Variants in MIER2 observed in about 807,000 individuals in gnomAD.
MIER2 encodes mesoderm induction early response protein 2.
Under a neutral mutation model 67.6 loss-of-function variants are expected in MIER2, and 30 were observed. The observed-to-expected ratio is 0.44, with a 90% CI of 0.33 to 0.60. The LOEUF (loss-of-function observed/expected upper bound fraction) is 0.60. Ranked by LOEUF, MIER2 falls within the 20% of genes least tolerant of loss-of-function variation. The probability of loss-of-function intolerance (pLI) is 0.02; values close to 1 mark genes in which losing one functional copy is unlikely to be tolerated. For synonymous variants in MIER2, 372 were observed against 312.6 expected, an observed-to-expected ratio of 1.19 and a Z score of -2.00; for missense variants, 702 against 745.1, an observed-to-expected ratio of 0.94 and a Z score of 0.67.
chr19:327,761 GC>G (rs1480982274), intron 4 of MIER2, 102 bp downstream of exon 4: 6 of 1,512,890 alleles, frequency 4.0e-6, no homozygotes, highest in Non-Finnish European at 5.3e-6. Context: ...TATTCTGGGG[GC>G]CTTTGTGCCT....
Position 327,965 on chromosome 19 carries a change from G to C in MIER2, c.268C>G (p.Leu90Val), listed in dbSNP as rs1165848574. 2 of 1,613,090 alleles carry C rather than the reference G, an allele frequency of 1.2e-6. No individual in the cohort carries two copies. Among genetic ancestry groups the C allele is most frequent in the Non-Finnish European group, 1.7e-6 (2 of 1,179,590 alleles). The change falls in exon 4 of 14, where the codon CTG becomes GTG. Residue 90 changes from leucine (L) to valine (V), a missense_variant. Physicochemically the swap from Leu to Val is conservative, Grantham distance 32. This residue lies in a region of MIER2 where 320 missense variants were observed against 292.6 expected (regional missense o/e 1.09). Transcript: ENST00000264819. ...GCCTCGTAGCCATAGAGCGCAAGCA[G>C]CTCATCAAAGGGCATGTCGTTGCTC... ...SQSNDMPFDE[L>V]LALYGYEASD...
At chr19:327,019 C>T in intron 5 of MIER2, 114 bp downstream of exon 5, 2 of 1,403,832 alleles carry the variant, frequency 1.4e-6, no homozygotes, top group Admixed American at 5.1e-5. Context: ...CAGGCAGACG[C>T]CCTCATCTGT....
At chr19:336,230 T>A in intron 1 of MIER2, 57 bp from the exon 2 acceptor site, 1 of 1,434,114 alleles carries the variant, frequency 7.0e-7, no homozygotes, top group South Asian at 1.2e-5. Flanking sequence ...CTGCTGGACA[T>A]CACAGTGTGG....
Position 307,441 on chromosome 19 carries a change from G to C in MIER2, c.1294C>G (p.Gln432Glu), listed in dbSNP as rs1210212356. The C allele has an allele frequency of 6.3e-7, 1 of 1,591,368 alleles. No individual in the cohort carries two copies. Among genetic ancestry groups the C allele is most frequent in the Admixed American group, 1.7e-5 (1 of 58,244 alleles). Residue 432 changes from glutamine (Q) to glutamate (E), a missense_variant, in exon 13 of 14, where the codon CAG becomes GAG. Around this residue, in one of 3 missense-constraint regions of MIER2, gnomAD observed 254 missense variants for 262.8 expected, o/e 0.97. Transcript: ENST00000264819. ...PSSEPGPCSF[Q>E]QLDESPAVPL... is the part of the protein sequence containing the mutation. ...ACAGCGGGGGACTCATCCAGCTGCT[G>C]GAAGGAACACGGCCCTGGCTCCGAG...
rs770576807 is a variant in MIER2 at position 307,157 on chromosome 19, C to T, written c.1578G>A (p.Thr526=). The change falls in exon 13 of 14, where the codon ACG becomes ACA. Residue 526 remains threonine, a synonymous_variant. Coordinates refer to ENST00000264819, the MANE Select transcript of MIER2 (RefSeq NM_017550.3). The stretch of plus-strand genomic sequence containing the variant: ...CCGAGTGTAGCCCGGGGGCCGGGCA[C>T]GTGGGGTGGGCGGCCAGGAAGGGGT... The part of the protein sequence containing the change: ...DVNPFLAAHP[T]CPAPGLHSEP... 2.5e-6 allele frequency: 4 copies of T among 1,588,746 alleles called. No homozygotes were observed. The highest frequency in any genetic ancestry group is 1.3e-5 in the African/African-American group (1 of 74,708).
At chr19:317,681 G>A (rs1185105370) in intron 7 of MIER2, among the ~76,000 whole-genome samples, 6 of 143,736 alleles carry the variant, frequency 4.2e-5, no homozygotes, top group Non-Finnish European at 9.0e-5. Context: ...CGTGAAGTAA[G>A]ATCGCATCAC....
chr19:317,408 TC>T, intron 7 of MIER2, among the ~76,000 whole-genome samples: 1 of 146,726 alleles, frequency 6.8e-6, no homozygotes, highest in Non-Finnish European at 1.5e-5. Context: ...GTGCCTGTAG[TC>T]CCAGCTACTC....
Position 313,618 on chromosome 19 carries a change from G to A in MIER2, c.681C>T (p.Leu227=), listed in dbSNP as rs1463880444. 6.2e-7 allele frequency: 1 copy of A among 1,612,688 alleles called. No homozygotes were observed. The highest frequency in any genetic ancestry group is 8.5e-7 in the Non-Finnish European group (1 of 1,179,922). The change falls in exon 8 of 14, where the codon CTC becomes CTT. Residue 227 remains leucine (L), a synonymous_variant. Coordinates refer to ENST00000264819, the MANE Select transcript of MIER2 (RefSeq NM_017550.3). ...TCTCAGGGAGGACGCTGGGGTCCCAGAGCAGCTGGTCTTCGTTCTCGTAGA... is the reference window on the plus strand; with the variant it reads ...TCTCAGGGAGGACGCTGGGGTCCCAAAGCAGCTGGTCTTCGTTCTCGTAGA... ...EKIYENEDQL[L]WDPSVLPERE... is the part of the protein sequence containing the mutation.
intron 10 of MIER2, among the ~76,000 whole-genome samples, chr19:311,286 G>A (rs1348625205): frequency 1.3e-5 from 2 of 152,266 alleles, no homozygotes; most frequent in African/African-American, 4.8e-5. Context: ...TGGCTTGGAA[G>A]TTACCACTCA....
chr19:307,559 G>C, intron 12 of MIER2, 23 bp from the exon 13 acceptor site: 1 of 1,489,114 alleles, frequency 6.7e-7, no homozygotes, highest in Non-Finnish European at 8.9e-7. Flanking sequence ...ACGCAACAGA[G>C]GGTGGGGCCT....
chr19:314,862 G>A (rs1347164108), intron 7 of MIER2, among the ~76,000 whole-genome samples: 1 of 152,110 alleles, frequency 6.6e-6, no homozygotes, highest in Non-Finnish European at 1.5e-5. Context: ...GGCTGAGGTG[G>A]GAGGATCGGT....
intron 3 of MIER2, among the ~76,000 whole-genome samples, chr19:329,430 G>A (rs908528772): frequency 7.2e-5 from 11 of 152,164 alleles, no homozygotes; most frequent in African/African-American, 1.7e-4. Context: ...GCACTCAGCC[G>A]TGACTTCCAT....
At chr19:344,682 G>T in intron 1 of MIER2, 92 bp downstream of exon 1, 1 of 870,556 alleles carries the variant, frequency 1.1e-6, no homozygotes, top group Non-Finnish European at 1.4e-6. Context: ...GGGGCTCTCC[G>T]TCCCTGGGGC....
In MIER2 at chr19:327,229, C is replaced by T; in HGVS notation, c.397G>A (p.Gly133Arg). The T allele has an allele frequency of 4.4e-6, 7 of 1,584,176 alleles. No homozygotes were observed. Among genetic ancestry groups the T allele is most frequent in the Non-Finnish European group, 6.0e-6 (7 of 1,171,496 alleles). The change falls in exon 5 of 14, where the codon GGG becomes AGG. Residue 133 changes from glycine to arginine, a missense_variant. By Grantham distance (125) the Gly-to-Arg change is moderately radical (BLOSUM62 -2). Around this residue, in one of 3 missense-constraint regions of MIER2, gnomAD observed 320 missense variants for 292.6 expected, o/e 1.09. Coordinates refer to ENST00000264819, the MANE Select transcript of MIER2 (RefSeq NM_017550.3). Reference protein sequence around the residue: ...KEQIAKDLLSGEEEEETQSSA... With the variant: ...KEQIAKDLLSREEEEETQSSA... ...GATTGCGTCTCTTCCTCTTCTTCCC[C>T]TGAAAGCAAATCCTTCGCTATTTGT...
intron 3 of MIER2, among the ~76,000 whole-genome samples, chr19:332,213 T>C (rs1339704641): frequency 6.6e-6 from 1 of 152,092 alleles, no homozygotes; most frequent in Non-Finnish European, 1.5e-5. Flanking sequence ...TTTCTTGAGA[T>C]GGAGTTTCAC....
intron 2 of MIER2, 152 bp from the exon 3 acceptor site, chr19:334,694 C>T (rs967461266): frequency 5.0e-6 from 5 of 1,000,244 alleles, no homozygotes; most frequent in East Asian, 2.6e-5. Flanking sequence ...GGACACCCCA[C>T]GACTAATGCA....
rs141174269 is a variant in MIER2 at position 321,715 on chromosome 19, C to T, written c.655+3920G>A. 3.9e-5 allele frequency among the ~76,000 whole-genome samples: 6 copies of T among 152,066 alleles called. No individual in the cohort carries two copies. In the East Asian group the frequency reaches 5.8e-4, roughly 15 times the overall value. On this transcript the variant is annotated intron_variant, in intron 7 of 13. Coordinates refer to ENST00000264819, the MANE Select transcript of MIER2 (RefSeq NM_017550.3). ...TAATCTTAAAACTTACATAGATATG[C>T]AATGAAAACTTACAAAGTTAGAAGA...
At chr19:326,639 C>T in intron 5 of MIER2, 41 bp from the exon 6 acceptor site, 2 of 1,507,668 alleles carry the variant, frequency 1.3e-6, no homozygotes, top group Non-Finnish European at 1.8e-6. Context: ...GTCTCCACTG[C>T]CTGCAGCCTA....
chr19:324,893 G>C (rs997003933), intron 7 of MIER2, among the ~76,000 whole-genome samples: 6 of 152,228 alleles, frequency 3.9e-5, no homozygotes, highest in Admixed American at 3.9e-4. Flanking sequence ...CCAGCAGCTT[G>C]GCTGCACCTT....
Sources: gnomAD v4.1 joint callset for allele counts (sites outside exome capture counted in the v4.1 genomes callset) on GRCh38, gnomAD v4.1.1 for gene constraint, gnomAD v4.1.1 regional missense constraint, MANE v1.5 for transcripts, NCBI Gene and HGNC (gene_info 2026-07-23, HGNC 2026-07-21) for gene names.